Variants in CNTNAP5 observed in about 807,000 individuals in gnomAD.
CNTNAP5 encodes contactin associated protein family member 5.
CNTNAP5 carries 72 observed loss-of-function variants against 150.2 expected under a neutral mutation model. The ratio of observed to expected loss-of-function variants is 0.48; its 90% CI spans 0.40 to 0.58. The LOEUF is 0.58. Among genes scored for constraint, CNTNAP5 ranks in the 20% least tolerant of loss-of-function variants. The pLI is 0.00. For synonymous variants in CNTNAP5, 672 were observed against 619.8 expected, an observed-to-expected ratio of 1.08 and a Z score of -1.25; for missense variants, 1,636 against 1,626.2, an observed-to-expected ratio of 1.01 and a Z score of -0.10.
intron 1 of CNTNAP5, among the ~76,000 whole-genome samples, chr2:124,126,572 A>G (rs1683707647): frequency 6.6e-6 from 1 of 152,136 alleles, no homozygotes; most frequent in African/African-American, 2.4e-5. Context: ...GGCCAGCAGC[A>G]TCCTGATACC....
intron 13 of CNTNAP5, among the ~76,000 whole-genome samples, chr2:124,681,371 A>T (rs1679065961): frequency 6.6e-6 from 1 of 151,076 alleles, no homozygotes; most frequent in Admixed American, 6.6e-5. Context: ...TACAGATAAT[A>T]TCTTGTAACA....
intron 13 of CNTNAP5, among the ~76,000 whole-genome samples, chr2:124,695,520 G>T (rs565393147): frequency 6.6e-6 from 1 of 152,250 alleles, no homozygotes; most frequent in Non-Finnish European, 1.5e-5. Flanking sequence ...TTTGTGTACA[G>T]GGAAAATACA....
intron 3 of CNTNAP5, among the ~76,000 whole-genome samples, chr2:124,401,307 C>A (rs979544497): frequency 2.6e-5 from 4 of 152,180 alleles, no homozygotes; most frequent in African/African-American, 9.6e-5. Context: ...ATGCACAACG[C>A]CTTCAAGAAC....
chr2:124,399,362 T>A (rs375916776), intron 3 of CNTNAP5, among the ~76,000 whole-genome samples: 36 of 152,212 alleles, frequency 2.4e-4, no homozygotes, highest in African/African-American at 7.7e-4. Context: ...AATGAATGAT[T>A]AAAAAAGACA....
At chr2:124,718,138 A>G (rs1222166499) in intron 13 of CNTNAP5, among the ~76,000 whole-genome samples, 1 of 152,232 alleles carries the variant, frequency 6.6e-6, no homozygotes, top group Non-Finnish European at 1.5e-5. Context: ...TTTTGCCTAC[A>G]TGTCCAACTT....
chr2:124,404,221 C>A (rs1167082717), intron 3 of CNTNAP5, among the ~76,000 whole-genome samples: 1 of 152,208 alleles, frequency 6.6e-6, no homozygotes, highest in Non-Finnish European at 1.5e-5. Flanking sequence ...TCCCGACATC[C>A]CCTGTCAAGG....
chr2:124,150,638 T>C (rs1054795500), intron 1 of CNTNAP5, among the ~76,000 whole-genome samples: 2 of 151,678 alleles, frequency 1.3e-5, no homozygotes, highest in Non-Finnish European at 2.9e-5. Flanking sequence ...TACCCTCACA[T>C]GGTGGGGAGA....
chr2:124,503,428 T>G (rs1200919270), intron 7 of CNTNAP5, among the ~76,000 whole-genome samples: 1 of 152,238 alleles, frequency 6.6e-6, no homozygotes, highest in Non-Finnish European at 1.5e-5. Flanking sequence ...CCATTCAGGT[T>G]AGGGCATTCC....
chr2:124,793,219 T>C (rs1401239545), intron 18 of CNTNAP5, among the ~76,000 whole-genome samples: 1 of 152,246 alleles, frequency 6.6e-6, no homozygotes, highest in African/African-American at 2.4e-5. Flanking sequence ...TTTTTGATGA[T>C]AGACATCTTA....
At chr2:124,558,366 A>G (rs954418906) in intron 10 of CNTNAP5, among the ~76,000 whole-genome samples, 4 of 152,196 alleles carry the variant, frequency 2.6e-5, no homozygotes, top group Non-Finnish European at 4.4e-5. Context: ...GTTGACATCA[A>G]CTGTGATAGT....
chr2:124,120,765 T>G (rs973251658), intron 1 of CNTNAP5, among the ~76,000 whole-genome samples: 1 of 152,136 alleles, frequency 6.6e-6, no homozygotes, highest in Non-Finnish European at 1.5e-5. Flanking sequence ...GTCACAATAC[T>G]GGTCTTACAA....
At chr2:124,208,842 G>T (rs905112348) in intron 1 of CNTNAP5, among the ~76,000 whole-genome samples, 1 of 152,154 alleles carries the variant, frequency 6.6e-6, no homozygotes, top group Non-Finnish European at 1.5e-5. Context: ...AATCTTTACA[G>T]AGGTTCACAG....
intron 1 of CNTNAP5, among the ~76,000 whole-genome samples, chr2:124,105,501 C>T (rs79226921): frequency 3.3e-5 from 5 of 152,136 alleles, no homozygotes; most frequent in African/African-American, 9.7e-5. Context: ...CATGTAAATA[C>T]TGCTTATTAA....
chr2:124,249,867 G>T (rs1687129935), intron 3 of CNTNAP5, among the ~76,000 whole-genome samples: 1 of 152,036 alleles, frequency 6.6e-6, no homozygotes, highest in Non-Finnish European at 1.5e-5. Context: ...TGTAAATATA[G>T]TCAATGATGC....
chr2:124,882,459 T>A (rs1385170657), intron 21 of CNTNAP5, among the ~76,000 whole-genome samples: 1 of 152,084 alleles, frequency 6.6e-6, no homozygotes, highest in Non-Finnish European at 1.5e-5. Context: ...GAACTTGTAT[T>A]CAAAGGGCAT....
At chr2:124,728,666 A>G (rs1680209131) in intron 13 of CNTNAP5, among the ~76,000 whole-genome samples, 2 of 152,032 alleles carry the variant, frequency 1.3e-5, no homozygotes, top group Admixed American at 1.3e-4. Flanking sequence ...TTCATAGCTG[A>G]TTTGATCAAA....
chr2:124,102,621 C>A (rs1200704409), intron 1 of CNTNAP5, among the ~76,000 whole-genome samples: 1 of 152,190 alleles, frequency 6.6e-6, no homozygotes, highest in Non-Finnish European at 1.5e-5. Flanking sequence ...CTGCCCTCAT[C>A]ACATAAATTC....
intron 1 of CNTNAP5, among the ~76,000 whole-genome samples, chr2:124,090,315 T>C (rs1267591924): frequency 6.6e-6 from 1 of 152,230 alleles, no homozygotes; most frequent in African/African-American, 2.4e-5. Flanking sequence ...GGGGAGGATA[T>C]TGCTTTTCTT....
intron 1 of CNTNAP5, among the ~76,000 whole-genome samples, chr2:124,172,058 T>C (rs1055387700): frequency 1.3e-5 from 2 of 152,186 alleles, no homozygotes; most frequent in Non-Finnish European, 2.9e-5. Flanking sequence ...TTTTAGACTT[T>C]CATAGTTTCC....
Sources: allele counts gnomAD v4.1 joint callset (sites outside exome capture counted in the v4.1 genomes callset), GRCh38; gene constraint gnomAD v4.1.1; transcripts MANE v1.5; gene names NCBI Gene and HGNC (gene_info 2026-07-23, HGNC 2026-07-21).